The following NMNAT1 variants were observed in gnomAD, a reference collection of about 807,000 sequenced individuals.
The protein encoded by NMNAT1 is nicotinamide nucleotide adenylyltransferase 1.
Under a neutral mutation model 16.7 loss-of-function variants are expected in NMNAT1, and 11 were observed. The ratio of observed to expected loss-of-function variants is 0.66; its 90% CI spans 0.41 to 1.09. The LOEUF (loss-of-function observed/expected upper bound fraction) is 1.09. Ranked by LOEUF, NMNAT1 falls within the 50% of genes least tolerant of loss-of-function variation. NMNAT1 has a pLI of 0.00. For synonymous variants in NMNAT1, 110 were observed against 119.8 expected (o/e 0.92, Z 0.53); for missense variants, 280 against 332.3 (o/e 0.84, Z 1.22).
Position 9,983,889 on chromosome 1 carries a change from C to G in NMNAT1, c.*1188C>G, listed in dbSNP as rs776707075. On this transcript the variant is annotated 3_prime_UTR_variant, in exon 5 of 5. Coordinates refer to ENST00000377205, the MANE Select transcript of NMNAT1 (RefSeq NM_022787.4). ...TAGTTCATCTGAAGTGTCACGTAAA[C>G]TGCAGAAAGTTTCCAATGCTGGAAA... 1.9e-4 allele frequency: 29 copies of G among 152,276 alleles called. No individual in the cohort carries two copies. The highest frequency in any genetic ancestry group is 3.5e-4 in the Non-Finnish European group (24 of 68,040). The allele number at this position is 152,276 out of a possible 1,614,324, so 9.4% of individuals were successfully genotyped here.
intron 1 of NMNAT1, among the ~76,000 whole-genome samples, chr1:9,957,390 G>A (rs762993405): frequency 1.3e-5 from 2 of 150,652 alleles, no homozygotes; most frequent in Non-Finnish European, 3.0e-5. Context: ...CCGCGATCTT[G>A]GCTCACTGTA....
chr1:9,987,490 T>C (rs1339308040), downstream of NMNAT1, among the ~76,000 whole-genome samples: 1 of 151,122 alleles, frequency 6.6e-6, no homozygotes, highest in East Asian at 2.0e-4. Context: ...ATACAAAAAA[T>C]TATCCGGGCG....
chr1:9,986,596 G>A (rs549703730), downstream of NMNAT1, among the ~76,000 whole-genome samples: 7 of 152,140 alleles, frequency 4.6e-5, no homozygotes, highest in African/African-American at 9.7e-5. Flanking sequence ...CAAAAAACAT[G>A]TACTGGCTGG....
chr1:9,945,800 C>T (rs1023389737), intron 1 of NMNAT1, among the ~76,000 whole-genome samples: 7 of 152,216 alleles, frequency 4.6e-5, no homozygotes, highest in Non-Finnish European at 8.8e-5. Context: ...GTCACCCAGA[C>T]TGGAGTACAG....
chr1:9,969,085 A>G (rs1322661314), intron 1 of NMNAT1, among the ~76,000 whole-genome samples: 1 of 152,062 alleles, frequency 6.6e-6, no homozygotes, highest in Admixed American at 6.6e-5. Flanking sequence ...CTCTTCTGTT[A>G]TATAGGCGGG....
intron 1 of NMNAT1, among the ~76,000 whole-genome samples, chr1:9,963,883 A>AATTTT (rs756959957): frequency 2.2e-4 from 33 of 151,910 alleles, no homozygotes; most frequent in Non-Finnish European, 4.0e-4. Flanking sequence ...AATGTGTATG[A>AATTTT]ATTTTATTTT....
At chr1:9,991,983 T>G in the NMNAT1 span, among the ~76,000 whole-genome samples, 2 of 152,002 alleles carry the variant, frequency 1.3e-5, no homozygotes, top group African/African-American at 4.8e-5. Flanking sequence ...GAGAATTTCT[T>G]AAACCTGGGA....
chr1:9,953,156 G>C (rs565340014), intron 1 of NMNAT1, among the ~76,000 whole-genome samples: 7 of 150,862 alleles, frequency 4.6e-5, no homozygotes, highest in Non-Finnish European at 1.0e-4. Context: ...AATTTTTTTT[G>C]TATTTTTAGT....
chr1:9,974,217 ATT>A (rs771816085), intron 2 of NMNAT1, among the ~76,000 whole-genome samples: 6 of 142,620 alleles, frequency 4.2e-5, no homozygotes, highest in Non-Finnish European at 4.6e-5. Context: ...GTATACACAG[ATT>A]TTTTTTTTTT....
chr1:9,943,885 A>G (rs1251094898), intron 1 of NMNAT1, among the ~76,000 whole-genome samples: 1 of 152,136 alleles, frequency 6.6e-6, no homozygotes, highest in Non-Finnish European at 1.5e-5. Flanking sequence ...GTAAAAGACT[A>G]CATCTACTTT....
chr1:9,989,655 C>T (rs1642085671), downstream of NMNAT1, among the ~76,000 whole-genome samples: 1 of 152,150 alleles, frequency 6.6e-6, no homozygotes, highest in African/African-American at 2.4e-5. Context: ...AGCTCCTCTT[C>T]CCACTGAGAG....
intron 3 of NMNAT1, among the ~76,000 whole-genome samples, chr1:9,977,639 G>A (rs1025059971): frequency 3.9e-5 from 6 of 151,998 alleles, no homozygotes; most frequent in African/African-American, 7.2e-5. Flanking sequence ...GGCTGAGGCC[G>A]GCAGATCACC....
In NMNAT1 at chr1:9,982,280, GCT is replaced by G; in HGVS notation, c.440-18_440-17del. 5 of 1,589,362 alleles carry G rather than the reference GCT, an allele frequency of 3.1e-6. No individual in the cohort carries two copies. Among genetic ancestry groups the G allele is most frequent in the Non-Finnish European group, 4.3e-6 (5 of 1,167,470 alleles). ...AGGGGAAGAAAAAGCATACCCCAAA[GCT>G]CTGTTTTATTCTTCCCAGCTGTGCC... On this transcript the variant is annotated intron_variant, in intron 4 of 4. Coordinates refer to ENST00000377205, the MANE Select transcript of NMNAT1 (RefSeq NM_022787.4).
intron 4 of NMNAT1, among the ~76,000 whole-genome samples, 190 bp from the exon 5 acceptor site, chr1:9,982,111 C>T (rs1419849148): frequency 2.0e-5 from 3 of 152,234 alleles, no homozygotes; most frequent in Non-Finnish European, 2.9e-5. Context: ...GATCTACCCG[C>T]CTCGGCCTCC....
chr1:9,962,364 C>T (rs954669715), intron 1 of NMNAT1, among the ~76,000 whole-genome samples: 4 of 151,394 alleles, frequency 2.6e-5, no homozygotes, highest in Non-Finnish European at 5.9e-5. Flanking sequence ...CGCCTGCAGT[C>T]CCAGCTACTT....
the NMNAT1 span, among the ~76,000 whole-genome samples, chr1:9,990,724 T>C: frequency 2.6e-5 from 4 of 152,182 alleles, no homozygotes; most frequent in Non-Finnish European, 5.9e-5. Flanking sequence ...GGTTCCATGA[T>C]AAAGTGGCCC....
chr1:9,973,318 A>G (rs561301389), intron 2 of NMNAT1, among the ~76,000 whole-genome samples: 1 of 152,144 alleles, frequency 6.6e-6, no homozygotes, highest in Admixed American at 6.6e-5. Context: ...GGGTTTCTCC[A>G]TGTTGGTCAG....
chr1:9,995,782 A>G, the NMNAT1 span, among the ~76,000 whole-genome samples: 1 of 152,212 alleles, frequency 6.6e-6, no homozygotes, highest in Non-Finnish European at 1.5e-5. Flanking sequence ...TAATCCCAGC[A>G]CTTTGGGAGG....
At chr1:9,953,140 C>G (rs1307345654) in intron 1 of NMNAT1, among the ~76,000 whole-genome samples, 2 of 151,680 alleles carry the variant, frequency 1.3e-5, no homozygotes, top group African/African-American at 4.8e-5. Context: ...GCCACCACGC[C>G]TGGCTAATTT....
Sources: allele counts gnomAD v4.1 joint callset (sites outside exome capture counted in the v4.1 genomes callset), GRCh38; gene constraint gnomAD v4.1.1; transcripts MANE v1.5; gene names NCBI Gene and HGNC (gene_info 2026-07-23, HGNC 2026-07-21).